Variants in RBFOX3 observed in about 807,000 individuals in gnomAD.
RBFOX3 encodes the protein RNA binding protein fox-1 homolog 3.
In RBFOX3, 17 loss-of-function variants were observed where a neutral mutation model predicts 48.7. That is an observed-to-expected ratio of 0.35 (90% CI 0.24 to 0.52). The LOEUF is 0.52. Among genes scored for constraint, RBFOX3 ranks in the 20% least tolerant of loss-of-function variants. The probability of loss-of-function intolerance (pLI) is 0.94; values close to 1 mark genes in which losing one functional copy is unlikely to be tolerated. For synonymous variants in RBFOX3, 212 were observed against 209.5 expected (o/e 1.01, Z -0.10); for missense variants, 382 against 497.5 (o/e 0.77, Z 2.21).
intron 2 of RBFOX3, among the ~76,000 whole-genome samples, chr17:79,448,120 CTT>C (rs2072718741): frequency 6.6e-6 from 1 of 152,174 alleles, no homozygotes. Context: ...CATTAAACCT[CTT>C]TTCTTCATAA....
intron 1 of RBFOX3, among the ~76,000 whole-genome samples, chr17:79,495,776 G>T (rs2081434590): frequency 1.3e-5 from 2 of 150,926 alleles, no homozygotes; most frequent in East Asian, 3.9e-4. Context: ...CAGGGGAGGG[G>T]TGCAGACATC....
intron 3 of RBFOX3, among the ~76,000 whole-genome samples, chr17:79,267,893 G>A (rs570478133): frequency 1.3e-5 from 2 of 152,272 alleles, no homozygotes; most frequent in Admixed American, 6.5e-5. Flanking sequence ...AGAAAAGGAC[G>A]GGAAGGAGGT....
chr17:79,435,553 C>T (rs113963062), intron 2 of RBFOX3, among the ~76,000 whole-genome samples: 1 of 152,260 alleles, frequency 6.6e-6, no homozygotes, highest in African/African-American at 2.4e-5. Context: ...TCACCACCTC[C>T]TCCAGGGCGT....
At chr17:79,395,615 T>C (rs1411491728) in intron 2 of RBFOX3, among the ~76,000 whole-genome samples, 1 of 152,224 alleles carries the variant, frequency 6.6e-6, no homozygotes, top group African/African-American at 2.4e-5. Context: ...GCAGTTAGTG[T>C]GTGCCGGGCA....
At chr17:79,571,908 G>T (rs1362998843) in intron 1 of RBFOX3, among the ~76,000 whole-genome samples, 1 of 152,126 alleles carries the variant, frequency 6.6e-6, no homozygotes, top group Non-Finnish European at 1.5e-5. Flanking sequence ...GGTGTGGCCT[G>T]CTCACCTCCC....
At chr17:79,663,909 G>A in the RBFOX3 span, among the ~76,000 whole-genome samples, 1 of 152,244 alleles carries the variant, frequency 6.6e-6, no homozygotes, top group African/African-American at 2.4e-5. Context: ...TTCGTGTTGA[G>A]TATAAAGCTT....
intron 4 of RBFOX3, among the ~76,000 whole-genome samples, chr17:79,215,581 T>G (rs999947091): frequency 8.2e-4 from 125 of 152,340 alleles, no homozygotes; most frequent in Non-Finnish European, 1.8e-4. Flanking sequence ...CACAGTCAGC[T>G]GGTGCCCTGG....
chr17:79,628,993 C>A, the RBFOX3 span, among the ~76,000 whole-genome samples: 1 of 152,220 alleles, frequency 6.6e-6, no homozygotes, highest in Non-Finnish European at 1.5e-5. Flanking sequence ...AGGAGTAGCT[C>A]ATGCAGGGCC....
intron 4 of RBFOX3, among the ~76,000 whole-genome samples, chr17:79,170,726 C>T (rs2049106113): frequency 1.3e-5 from 2 of 152,176 alleles, no homozygotes; most frequent in Admixed American, 6.5e-5. Context: ...TTTTCTATCC[C>T]AGATGAACTT....
intron 4 of RBFOX3, among the ~76,000 whole-genome samples, chr17:79,123,161 C>T (rs1165980323): frequency 6.6e-6 from 1 of 152,080 alleles, no homozygotes; most frequent in African/African-American, 2.4e-5. Flanking sequence ...AACAGGGTGA[C>T]TATAGTCAAT....
chr17:79,503,054 T>C (rs968662268), intron 1 of RBFOX3, among the ~76,000 whole-genome samples: 193 of 152,272 alleles, frequency 1.3e-3, no homozygotes, highest in African/African-American at 4.4e-3. Flanking sequence ...GTGGAGGGCT[T>C]TTCCGTGCTT....
chr17:79,554,389 T>C (rs1309821532), intron 1 of RBFOX3, among the ~76,000 whole-genome samples: 1,126 of 29,256 alleles, frequency 0.038, no homozygotes, highest in Non-Finnish European at 0.054. Flanking sequence ...CAGTCACCCC[T>C]CACCTGGCCC....
At chr17:79,371,722 C>T (rs1044602421) in intron 2 of RBFOX3, among the ~76,000 whole-genome samples, 2 of 152,130 alleles carry the variant, frequency 1.3e-5, no homozygotes, top group Non-Finnish European at 2.9e-5. Flanking sequence ...GTGGAAACCA[C>T]GTGTTAAAGA....
chr17:79,615,608 TG>T (rs1344115108), upstream of RBFOX3, among the ~76,000 whole-genome samples: 1 of 152,202 alleles, frequency 6.6e-6, no homozygotes, highest in Non-Finnish European at 1.5e-5. Flanking sequence ...CTCCCCTCTG[TG>T]CCCGGCCGGC....
chr17:79,204,442 A>G lies in RBFOX3; in HGVS notation c.-34+31324T>C, dbSNP rs2057233387. 6.6e-6 allele frequency among the ~76,000 whole-genome samples: 1 copy of G among 152,212 alleles called. No homozygotes were observed. The highest frequency in any genetic ancestry group is 1.5e-5 in the Non-Finnish European group (1 of 68,020). ...TGACTCAGGGCTTAATATCCTGGAA[A>G]GGACACGCGTACCAGTCCAGTGAAC... On this transcript the variant is annotated intron_variant, in intron 4 of 14. Transcript: ENST00000693108. The surrounding 1 kb of genome is among the most constrained non-coding windows in gnomAD (Gnocchi z 4.5).
At chr17:79,259,000 G>T (rs2065309636) in intron 3 of RBFOX3, among the ~76,000 whole-genome samples, 1 of 152,258 alleles carries the variant, frequency 6.6e-6, no homozygotes, top group Admixed American at 6.5e-5. Flanking sequence ...AGTGGCTGCA[G>T]CTGCTTTTGC....
the RBFOX3 span, among the ~76,000 whole-genome samples, chr17:79,657,291 G>A: frequency 6.6e-6 from 1 of 152,090 alleles, no homozygotes; most frequent in Non-Finnish European, 1.5e-5. Context: ...AAGCATCCAA[G>A]TCCCCCACCC....
chr17:79,487,540 G>A (rs1444390428), intron 1 of RBFOX3, among the ~76,000 whole-genome samples: 1 of 152,206 alleles, frequency 6.6e-6, no homozygotes, highest in Non-Finnish European at 1.5e-5. Flanking sequence ...TCGTGCCCCA[G>A]CGCCTGGCCA....
In RBFOX3 at chr17:79,362,648, C is replaced by T. The variant is rs1259738593; in HGVS notation, c.-174-54824G>A. ...GCGCCCCAGGAAAATGAGAGCCGGC[C>T]TGCCGGGCAATTGCTTCCTGTGACG... is the stretch of plus-strand genomic sequence containing the variant. On this transcript the variant is annotated intron_variant, in intron 2 of 14. Coordinates refer to ENST00000693108, the MANE Select transcript of RBFOX3 (RefSeq NM_001350451.2). The surrounding 1 kb of genome is among the most constrained non-coding windows in gnomAD (Gnocchi z 4.2). 1.3e-5 allele frequency among the ~76,000 whole-genome samples: 2 copies of T among 152,214 alleles called. No homozygotes were observed. Among genetic ancestry groups the T allele is most frequent in the Non-Finnish European group, 2.9e-5 (2 of 68,046 alleles).
Sources: gnomAD v4.1 joint callset for allele counts (sites outside exome capture counted in the v4.1 genomes callset) on GRCh38, gnomAD v4.1.1 for gene constraint, Gnocchi (gnomAD v3.1) non-coding constraint, MANE v1.5 for transcripts, NCBI Gene and HGNC (gene_info 2026-07-23, HGNC 2026-07-21) for gene names.